PDZRN4: variants seen among roughly 807,000 people sequenced by gnomAD.
PDZRN4 encodes PDZ domain containing ring finger 4.
In PDZRN4, 70 loss-of-function variants were observed where a neutral mutation model predicts 99.0. The ratio of observed to expected loss-of-function variants is 0.71; its 90% CI spans 0.58 to 0.86. PDZRN4 has a LOEUF of 0.86. Ranked by LOEUF, PDZRN4 falls within the 40% of genes least tolerant of loss-of-function variation. PDZRN4 has a pLI of 0.00. For synonymous variants in PDZRN4, 551 were observed against 501.6 expected, an observed-to-expected ratio of 1.10 and a Z score of -1.32; for missense variants, 1,474 against 1,331.2, an observed-to-expected ratio of 1.11 and a Z score of -1.67.
intron 6 of PDZRN4, among the ~76,000 whole-genome samples, chr12:41,555,277 C>T (rs285581): frequency 0.88 from 129,589 of 147,540 alleles, 57,197 homozygotes; most frequent in African/African-American, 0.97. Flanking sequence ...ACTTACACTA[C>T]AGCTATCAGC....
At chr12:41,283,910 A>G (rs552399313) in intron 3 of PDZRN4, among the ~76,000 whole-genome samples, 4 of 152,356 alleles carry the variant, frequency 2.6e-5, no homozygotes, top group African/African-American at 9.6e-5. Flanking sequence ...ATCATACTGA[A>G]TGGGCAAAAA....
chr12:41,551,632 CAG>C (rs1939058350), intron 5 of PDZRN4, among the ~76,000 whole-genome samples: 1 of 152,136 alleles, frequency 6.6e-6, no homozygotes, highest in Non-Finnish European at 1.5e-5. Flanking sequence ...TTAAGCAAGA[CAG>C]ATAAATTCAG....
intron 3 of PDZRN4, among the ~76,000 whole-genome samples, chr12:41,417,496 C>T (rs542143084): frequency 6.6e-5 from 10 of 152,182 alleles, no homozygotes; most frequent in Admixed American, 1.3e-4. Context: ...TCCATCAGTA[C>T]TTACTGAATT....
intron 3 of PDZRN4, among the ~76,000 whole-genome samples, chr12:41,373,580 T>C (rs7963312): frequency 0.47 from 72,020 of 152,000 alleles, 17,853 homozygotes; most frequent in Middle Eastern, 0.65. Context: ...GGTTCTCTCT[T>C]ATTCCCTGAA....
At chr12:41,533,406 C>T (rs1938697227) in intron 5 of PDZRN4, among the ~76,000 whole-genome samples, 1 of 152,134 alleles carries the variant, frequency 6.6e-6, no homozygotes, top group Non-Finnish European at 1.5e-5. Flanking sequence ...AACTCCTGAC[C>T]TTGTGATCCA....
At chr12:41,333,841 T>A (rs770863437) in intron 3 of PDZRN4, among the ~76,000 whole-genome samples, 46 of 152,182 alleles carry the variant, frequency 3.0e-4, no homozygotes, top group Non-Finnish European at 5.0e-4. Context: ...TTTGCTTTTA[T>A]CTGAGTTTCA....
At chr12:41,516,194 T>C (rs1455947659) in intron 5 of PDZRN4, among the ~76,000 whole-genome samples, 1 of 152,082 alleles carries the variant, frequency 6.6e-6, no homozygotes, top group Non-Finnish European at 1.5e-5. Flanking sequence ...GTAAATATTT[T>C]CTGTCGTTTA....
Position 41,194,175 on chromosome 12 carries a change from AC to A in PDZRN4, c.831del (p.Asp277GlufsTer35), listed in dbSNP as rs766052225. On this transcript the variant is annotated frameshift_variant, in exon 3 of 10. Coordinates refer to ENST00000402685, the MANE Select transcript of PDZRN4 (RefSeq NM_001164595.2). LOFTEE classifies it high-confidence loss of function. ...ADRADGLEIH[D>X]KIMEVNGKDL... is the part of the protein sequence containing the mutation. ...AGAGCAGATGGCCTGGAGATTCATG[AC>A]AAAATCATGGAGGTAAGACAATGAT... 1 of 1,472,694 alleles carries A rather than the reference AC, an allele frequency of 6.8e-7. No homozygotes were observed. 91.2% of individuals were successfully genotyped at this position (1,472,694 alleles called of 1,614,324 possible). A position where few individuals can be genotyped will look rare whatever the true frequency, so the allele number is the denominator to read the frequency against.
intron 3 of PDZRN4, among the ~76,000 whole-genome samples, chr12:41,497,737 A>C (rs530753005): frequency 6.6e-6 from 1 of 152,278 alleles, no homozygotes; most frequent in East Asian, 1.9e-4. Context: ...ACAAAGATAA[A>C]GTTGGTGACA....
intron 3 of PDZRN4, among the ~76,000 whole-genome samples, chr12:41,365,535 T>G (rs999907053): frequency 6.6e-6 from 1 of 152,128 alleles, no homozygotes; most frequent in Non-Finnish European, 1.5e-5. Context: ...AAATAAATTA[T>G]TTTGATGCCC....
At chr12:41,386,269 T>G (rs919627348) in intron 3 of PDZRN4, among the ~76,000 whole-genome samples, 2 of 152,124 alleles carry the variant, frequency 1.3e-5, no homozygotes, top group Non-Finnish European at 2.9e-5. Flanking sequence ...AAAGATATTC[T>G]CTCTCACTAC....
intron 3 of PDZRN4, among the ~76,000 whole-genome samples, chr12:41,260,239 G>T (rs978506795): frequency 6.6e-6 from 1 of 151,980 alleles, no homozygotes; most frequent in Admixed American, 6.6e-5. Flanking sequence ...TACGTATTAG[G>T]ATAGGAACAA....
At chr12:41,319,174 C>G (rs1460233655) in intron 3 of PDZRN4, among the ~76,000 whole-genome samples, 3 of 152,136 alleles carry the variant, frequency 2.0e-5, no homozygotes, top group African/African-American at 7.2e-5. Context: ...AGACCTTAAC[C>G]TCCCTTTGAA....
chr12:41,456,827 A>G (rs909478415), intron 3 of PDZRN4, among the ~76,000 whole-genome samples: 4 of 152,350 alleles, frequency 2.6e-5, no homozygotes, highest in African/African-American at 9.6e-5. Flanking sequence ...TGAGTATGAC[A>G]ATGGAACCCA....
chr12:41,388,630 G>A (rs1342185814), intron 3 of PDZRN4, among the ~76,000 whole-genome samples: 1 of 152,186 alleles, frequency 6.6e-6, no homozygotes, highest in Non-Finnish European at 1.5e-5. Context: ...TAGTATAGGT[G>A]AGAAACTGTC....
chr12:41,503,479 AC>A (rs1230616865), intron 3 of PDZRN4, among the ~76,000 whole-genome samples: 1 of 152,246 alleles, frequency 6.6e-6, no homozygotes, highest in Admixed American at 6.5e-5. Context: ...ACTAAGCATT[AC>A]AATAATGATT....
chr12:41,272,137 G>T (rs1951318462), intron 3 of PDZRN4, among the ~76,000 whole-genome samples: 1 of 151,332 alleles, frequency 6.6e-6, no homozygotes, highest in African/African-American at 2.4e-5. Context: ...AAAAATCAAA[G>T]ATTTTGTCTA....
intron 3 of PDZRN4, among the ~76,000 whole-genome samples, chr12:41,280,786 C>T (rs1591995733): frequency 6.6e-6 from 1 of 152,172 alleles, no homozygotes; most frequent in Non-Finnish European, 1.5e-5. Flanking sequence ...GTGGGTGCAG[C>T]TTCAGCAGAC....
intron 3 of PDZRN4, among the ~76,000 whole-genome samples, chr12:41,215,380 C>T (rs1950913687): frequency 6.6e-6 from 1 of 151,946 alleles, no homozygotes; most frequent in Admixed American, 6.6e-5. Context: ...AATCCCAGAC[C>T]TAGTGAAATA....
Sources: gnomAD v4.1 joint callset for allele counts (sites outside exome capture counted in the v4.1 genomes callset) on GRCh38, gnomAD v4.1.1 for gene constraint, MANE v1.5 for transcripts, NCBI Gene and HGNC (gene_info 2026-07-23, HGNC 2026-07-21) for gene names.